The following TNXB variants were observed in gnomAD, a reference collection of about 807,000 sequenced individuals.
TNXB encodes the protein tenascin-X.
A neutral mutation model predicts 340.5 loss-of-function variants in TNXB; 183 were observed. The observed-to-expected ratio is 0.54, with a 90% confidence interval of 0.48 to 0.61. TNXB has a LOEUF of 0.61. Among genes scored for constraint, TNXB ranks in the 20% least tolerant of loss-of-function variants. The pLI is 0.00. For synonymous variants in TNXB, 2,121 were observed against 2,314.5 expected (o/e 0.92, Z 2.40); for missense variants, 4,613 against 5,446.4 (o/e 0.85, Z 4.82).
chr6:32,069,212 A>G lies in TNXB; in HGVS notation c.5588-76T>C. ...AGACTCTCAGGAGGAGTGAGGGAGGAGAGGGAGTGAGGGCAAGCAGTCAGC... is the reference window on the plus strand; with the variant it reads ...AGACTCTCAGGAGGAGTGAGGGAGGGGAGGGAGTGAGGGCAAGCAGTCAGC... On this transcript the variant is annotated intron_variant, in intron 15 of 43. Transcript: ENST00000644971. This position sits in a 1 kb window ranked among gnomAD's most constrained non-coding sequence, Gnocchi z 6.2. 3 of 1,423,314 alleles carry G rather than the reference A, an allele frequency of 2.1e-6. No individual in the cohort carries two copies. Among genetic ancestry groups the G allele is most frequent in the Non-Finnish European group, 1.9e-6 (2 of 1,058,040 alleles). 88.2% of individuals were successfully genotyped at this position (1,423,314 alleles called of 1,614,324 possible).
In TNXB at chr6:32,056,085, T is replaced by C; in HGVS notation, c.8233A>G (p.Thr2745Ala). Residue 2745 changes from threonine to alanine, a missense_variant, in exon 24 of 44, where the codon ACA (threonine) becomes GCA (alanine). Physicochemically the swap from Thr to Ala is moderately conservative, Grantham distance 58. This residue lies in a region of TNXB where 4,327 missense variants were observed against 4,859.4 expected (regional missense o/e 0.89). Coordinates refer to ENST00000644971, the MANE Select transcript of TNXB (RefSeq NM_001365276.2). ...CTCAGCGAGTCAGGGGAGGATCCTG[T>C]CACTGTCAGCTCCCCCAGGAGCGGC... ...EEPLLGELTV[T>A]GSSPDSLSLS... 6.2e-7 allele frequency: 1 copy of C among 1,612,720 alleles called. No individual in the cohort carries two copies. The highest frequency in any genetic ancestry group is 8.5e-7 in the Non-Finnish European group (1 of 1,179,838).
At position 32,074,568 on chromosome 6, in the gene TNXB, G is replaced by A. The variant is rs566754206; in HGVS notation, c.4376-616C>T. On this transcript the variant is annotated intron_variant, in intron 11 of 43. Coordinates refer to ENST00000644971, the MANE Select transcript of TNXB (RefSeq NM_001365276.2). The surrounding 1 kb of genome is among the most constrained non-coding windows in gnomAD (Gnocchi z 5.5). ...TCTCCTGAACCCCAGACTAGTGTTC[G>A]TGCAACGTCTTCCTTGGAGGCCTAC... is the stretch of plus-strand genomic sequence containing the variant. Among the ~76,000 whole-genome samples the A allele has an allele frequency of 6.6e-6, 1 of 152,226 alleles. No homozygotes were observed. The highest frequency in any genetic ancestry group is 2.4e-5 in the African/African-American group (1 of 41,548).
intron 29 of TNXB, 127 bp from the exon 30 acceptor site, chr6:32,048,139 A>C: frequency 7.9e-7 from 1 of 1,258,840 alleles, no homozygotes; most frequent in Non-Finnish European, 1.1e-6. Context: ...GAGTAGGAAT[A>C]AAAGAGGAGC....
At position 32,050,216 on chromosome 6, in the gene TNXB, T is replaced by C. The variant is rs1777190734; in HGVS notation, c.9221A>G (p.Asp3074Gly). 3.1e-6 allele frequency: 5 copies of C among 1,613,050 alleles called. No individual in the cohort carries two copies. Among genetic ancestry groups the C allele is most frequent in the Admixed American group, 1.7e-5 (1 of 59,934 alleles). The part of the protein sequence containing the change: ...GELTVTDATP[D>G]SLSLSWMVPE... The stretch of plus-strand genomic sequence containing the variant: ...AACCATCCAGGACAGGCTGAGGGAG[T>C]CGGGGGTGGCATCTGTCACGGTCAG... The change falls in exon 27 of 44, where the codon GAC becomes GGC. Residue 3074 changes from aspartate to glycine, a missense_variant. Physicochemically the swap from Asp to Gly is moderately conservative, Grantham distance 94. Around this residue, in one of 7 missense-constraint regions of TNXB, gnomAD observed 4,327 missense variants for 4,859.4 expected, o/e 0.89. Transcript: ENST00000644971.
chr6:32,079,668 G>A lies in TNXB; in HGVS notation c.4043-303C>T, dbSNP rs1387784713. 6.6e-6 allele frequency among the ~76,000 whole-genome samples: 1 copy of A among 152,198 alleles called. No individual in the cohort carries two copies. Among genetic ancestry groups the A allele is most frequent in the Non-Finnish European group, 1.5e-5 (1 of 68,012 alleles). On this transcript the variant is annotated intron_variant, in intron 10 of 43. Coordinates refer to ENST00000644971, the MANE Select transcript of TNXB (RefSeq NM_001365276.2). The surrounding 1 kb of genome is among the most constrained non-coding windows in gnomAD (Gnocchi z 7.1). The stretch of plus-strand genomic sequence containing the variant: ...CAGTGCTGACCTCAGACAGTGAGGA[G>A]GGCAGTGAGGCCTCTTCCTACCTGT...
At position 32,070,408 on chromosome 6, in the gene TNXB, C is replaced by A. The variant is rs560985106; in HGVS notation, c.4997G>T (p.Arg1666Leu). The A allele has an allele frequency of 1.6e-5, 26 of 1,587,518 alleles. No homozygotes were observed. Among genetic ancestry groups the A allele is most frequent in the Non-Finnish European group, 2.1e-5 (25 of 1,164,478 alleles). The stretch of plus-strand genomic sequence containing the variant: ...TGGGGCCCCTGGGCTGGCGTCACCT[C>A]GGGCAACTGGAGAGGAAAGGTTCTT... ...PVSVEAKTVA[R>L]GDASPGAPPR... Residue 1666 changes from arginine to leucine, a missense_variant, in exon 14 of 44, where the codon CGA becomes CTA. Arg to Leu is a moderately radical substitution (Grantham distance 102). This residue lies in a region of TNXB where 4,327 missense variants were observed against 4,859.4 expected (regional missense o/e 0.89). Transcript: ENST00000644971. This position sits in a 1 kb window ranked among gnomAD's most constrained non-coding sequence, Gnocchi z 6.0.
In TNXB at chr6:32,097,939, C is replaced by T. The variant is rs971564159; in HGVS notation, c.260G>A (p.Cys87Tyr). ...GACTGGGGGCTCGGTGCCTGGGGGA[C>T]AGCCACAGCCAGTGGAAGGGGGCAG... is the stretch of plus-strand genomic sequence containing the variant. ...INLPPSTGCG[C>Y]PPGTEPPVLA... The change falls in exon 2 of 44, where the codon TGT becomes TAT. Residue 87 changes from cysteine (C) to tyrosine (Y), a missense_variant. Around this residue, in one of 7 missense-constraint regions of TNXB, gnomAD observed 4,327 missense variants for 4,859.4 expected, o/e 0.89. Coordinates refer to ENST00000644971, the MANE Select transcript of TNXB (RefSeq NM_001365276.2). This position sits in a 1 kb window ranked among gnomAD's most constrained non-coding sequence, Gnocchi z 5.9. 1.3e-6 allele frequency: 2 copies of T among 1,593,504 alleles called. No homozygotes were observed. Among genetic ancestry groups the T allele is most frequent in the Non-Finnish European group, 1.7e-6 (2 of 1,167,166 alleles).
In TNXB at chr6:32,073,994, CT is replaced by C; in HGVS notation, c.4376-43del. On this transcript the variant is annotated intron_variant, in intron 11 of 43. Coordinates refer to ENST00000644971, the MANE Select transcript of TNXB (RefSeq NM_001365276.2). This position sits in a 1 kb window ranked among gnomAD's most constrained non-coding sequence, Gnocchi z 4.6. Reference sequence around the variant, plus strand: ...AGGGGGCTGTTAGTAAAGAATCCCCCTTTTCTTATAGTAATGATGTCTAGTT... The same window carrying C: ...AGGGGGCTGTTAGTAAAGAATCCCCCTTTCTTATAGTAATGATGTCTAGTT... The C allele has an allele frequency of 6.8e-7, 1 of 1,464,674 alleles. No homozygotes were observed. The highest frequency in any genetic ancestry group is 2.4e-5 in the Admixed American group (1 of 42,052). 90.7% of individuals were successfully genotyped at this position (1,464,674 alleles called of 1,614,324 possible).
intron 11 of TNXB, among the ~76,000 whole-genome samples, chr6:32,078,123 GAAAGAA>G (rs879764138): frequency 2.1e-5 from 3 of 142,740 alleles, no homozygotes; most frequent in South Asian, 4.4e-4. Flanking sequence ...AAGAAAGAAA[GAAAGAA>G]AGAAAAAGAG....
intron 24 of TNXB, 125 bp downstream of exon 24, chr6:32,055,726 T>C: frequency 1.4e-6 from 2 of 1,392,988 alleles, no homozygotes; most frequent in Non-Finnish European, 1.9e-6. Context: ...ATCTGCCTCT[T>C]AGCAAGATCC....
At chr6:32,060,591 G>A (rs140026856) in intron 21 of TNXB, among the ~76,000 whole-genome samples, 1 of 152,000 alleles carries the variant, frequency 6.6e-6, no homozygotes, top group African/African-American at 2.4e-5. Context: ...TTCTTGCCAT[G>A]CCTGTTACTT....
At position 32,083,800 on chromosome 6, in the gene TNXB, A is replaced by G. The variant is rs1779613848; in HGVS notation, c.3445+613T>C. Among the ~76,000 whole-genome samples, 1 of 152,058 alleles carries G rather than the reference A, an allele frequency of 6.6e-6. No individual in the cohort carries two copies. The highest frequency in any genetic ancestry group is 2.1e-4 in the South Asian group (1 of 4,812). ...TCAAGCCTCTCAAGTAGCTGGGACT[A>G]CAGGCACGCACCACCACGCCTGGCT... is the stretch of plus-strand genomic sequence containing the variant. On this transcript the variant is annotated intron_variant, in intron 8 of 43. Transcript: ENST00000644971. This position sits in a 1 kb window ranked among gnomAD's most constrained non-coding sequence, Gnocchi z 4.6.
At chr6:32,094,993 AC>A in intron 4 of TNXB, 82 bp downstream of exon 4, 1 of 1,145,618 alleles carries the variant, frequency 8.7e-7, no homozygotes, top group Non-Finnish European at 1.3e-6. Flanking sequence ...ACCAATGATC[AC>A]CTGGAACTTC....
chr6:32,067,546 G>T lies in TNXB; in HGVS notation c.6544+115C>A. The T allele has an allele frequency of 7.4e-7, 1 of 1,354,118 alleles. No individual in the cohort carries two copies. The highest frequency in any genetic ancestry group is 1.5e-5 in the South Asian group (1 of 66,988). The allele number at this position is 1,354,118 out of a possible 1,614,324, so 83.9% of individuals were successfully genotyped here. ...ATCACACCTGTCCTGAGCCTTTAGTGAACAGGGTGTATTACAGGTTTGAGG... is the reference window on the plus strand; with the variant it reads ...ATCACACCTGTCCTGAGCCTTTAGTTAACAGGGTGTATTACAGGTTTGAGG... On this transcript the variant is annotated intron_variant, in intron 18 of 43. Coordinates refer to ENST00000644971, the MANE Select transcript of TNXB (RefSeq NM_001365276.2). This position sits in a 1 kb window ranked among gnomAD's most constrained non-coding sequence, Gnocchi z 4.2.
chr6:32,093,415 G>C lies in TNXB; in HGVS notation c.2358+1661C>G, dbSNP rs769150697. 5 of 702,110 alleles carry C rather than the reference G, an allele frequency of 7.1e-6. No homozygotes were observed. In the South Asian group the frequency reaches 7.4e-5, roughly 10 times the overall value. 43.5% of individuals were successfully genotyped at this position (702,110 alleles called of 1,614,324 possible). ...AAGTTGAGATTTCTGCTTCTGCTTT[G>C]GCTGGAGAGTGAGGAGAGGCAGAAC... is the stretch of plus-strand genomic sequence containing the variant. On this transcript the variant is annotated intron_variant, in intron 4 of 43. Coordinates refer to ENST00000644971, the MANE Select transcript of TNXB (RefSeq NM_001365276.2).
chr6:32,107,932 G>A (rs1781059446), intron 1 of TNXB, among the ~76,000 whole-genome samples: 1 of 152,196 alleles, frequency 6.6e-6, no homozygotes, highest in South Asian at 2.1e-4. Flanking sequence ...GGAAGGAGGT[G>A]TCAGGGAGGG....
At position 32,090,022 on chromosome 6, in the gene TNXB, C is replaced by T. The variant is rs1780007039; in HGVS notation, c.2359-643G>A. 2.6e-5 allele frequency among the ~76,000 whole-genome samples: 4 copies of T among 152,218 alleles called. No individual in the cohort carries two copies. Among genetic ancestry groups the T allele is most frequent in the Admixed American group, 2.6e-4 (4 of 15,276 alleles). On this transcript the variant is annotated intron_variant, in intron 4 of 43. Coordinates refer to ENST00000644971, the MANE Select transcript of TNXB (RefSeq NM_001365276.2). This position sits in a 1 kb window ranked among gnomAD's most constrained non-coding sequence, Gnocchi z 4.3. ...TCATGGCTGTGTAACAGGAGTGGGA[C>T]CCGCATCACAACCTTTCCCTTGAGG...
At position 32,058,635 on chromosome 6, in the gene TNXB, G is replaced by A. The variant is rs1777831351; in HGVS notation, c.7493-245C>T. Reference sequence around the variant, plus strand: ...CTCCAGAAGGCAACTGAGACATAGTGTCAGGAGCCAAAGTAATTCTCATTT... The same window carrying A: ...CTCCAGAAGGCAACTGAGACATAGTATCAGGAGCCAAAGTAATTCTCATTT... On this transcript the variant is annotated intron_variant, in intron 21 of 43. Transcript: ENST00000644971. This position sits in a 1 kb window ranked among gnomAD's most constrained non-coding sequence, Gnocchi z 5.1. Among the ~76,000 whole-genome samples the A allele has an allele frequency of 6.6e-6, 1 of 151,848 alleles. No homozygotes were observed. The highest frequency in any genetic ancestry group is 1.5e-5 in the Non-Finnish European group (1 of 68,030).
At chr6:32,055,794 A>G in intron 24 of TNXB, 57 bp downstream of exon 24, 3 of 1,563,756 alleles carry the variant, frequency 1.9e-6, no homozygotes, top group Non-Finnish European at 2.6e-6. Flanking sequence ...TGTTTTCATG[A>G]AGTTGCAGAG....
Sources: allele counts gnomAD v4.1 joint callset (sites outside exome capture counted in the v4.1 genomes callset), GRCh38; gene constraint gnomAD v4.1.1; regional missense constraint gnomAD v4.1.1; non-coding constraint Gnocchi (gnomAD v3.1); transcripts MANE v1.5; gene names NCBI Gene and HGNC (gene_info 2026-07-23, HGNC 2026-07-21).